Variants in PRKACB observed in about 807,000 individuals in gnomAD.
The protein encoded by PRKACB is cAMP-dependent protein kinase catalytic subunit beta.
In PRKACB, 16 loss-of-function variants were observed where a neutral mutation model predicts 51.4. The observed-to-expected ratio is 0.31, with a 90% CI of 0.21 to 0.47. The LOEUF is 0.47. Among genes scored for constraint, PRKACB ranks in the 20% least tolerant of loss-of-function variants. The probability of loss-of-function intolerance (pLI) is 1.00; values close to 1 mark genes in which losing one functional copy is unlikely to be tolerated. For synonymous variants in PRKACB, 147 were observed against 154.4 expected (o/e 0.95, Z 0.35); for missense variants, 309 against 464.5 (o/e 0.67, Z 3.08).
chr1:84,127,019 G>T (rs1651676514), intron 1 of PRKACB, among the ~76,000 whole-genome samples: 1 of 152,036 alleles, frequency 6.6e-6, no homozygotes, highest in African/African-American at 2.4e-5. Flanking sequence ...CTTCCTAGTA[G>T]TCATACTCTT....
Position 84,144,413 on chromosome 1 carries a change from G to C in PRKACB, c.52G>C (p.Ala18Pro). 1 of 1,613,316 alleles carries C rather than the reference G, an allele frequency of 6.2e-7. No individual in the cohort carries two copies. The change falls in exon 1 of 10, where the codon GCT (alanine) becomes CCT (proline). Residue 18 changes from alanine to proline, a missense_variant. Physicochemically the swap from Ala to Pro is conservative, Grantham distance 27 (BLOSUM62 -1). Coordinates refer to ENST00000370685, the MANE Select transcript of PRKACB (RefSeq NM_182948.4). ...PCNQYTGTTT[A>P]LQKLEGFASR... ...TAACCAGTATACAGGTACAACTACA[G>C]CTCTTCAGAAATTGGAAGGTTTTGC...
chr1:84,177,405 T>C (rs1365080474), intron 1 of PRKACB, among the ~76,000 whole-genome samples: 1 of 152,100 alleles, frequency 6.6e-6, no homozygotes, highest in East Asian at 1.9e-4. Flanking sequence ...ACATTCATTT[T>C]TAGAAGCAAG....
intron 1 of PRKACB, among the ~76,000 whole-genome samples, chr1:84,150,903 A>T (rs1209339860): frequency 1.3e-5 from 2 of 152,226 alleles, no homozygotes. Context: ...TAATAAGTTG[A>T]CACTGGAAAG....
chr1:84,086,074 C>T (rs934624984), intron 1 of PRKACB: 28 of 1,221,586 alleles, frequency 2.3e-5, no homozygotes, highest in Non-Finnish European at 3.4e-5. Flanking sequence ...TGCTGATGGC[C>T]AAGGTGTATA....
intron 1 of PRKACB, among the ~76,000 whole-genome samples, chr1:84,100,757 A>G (rs976387232): frequency 6.6e-6 from 1 of 152,186 alleles, no homozygotes; most frequent in African/African-American, 2.4e-5. Flanking sequence ...TCTATGTGTC[A>G]GGCACTGTTA....
intron 1 of PRKACB, among the ~76,000 whole-genome samples, chr1:84,114,575 A>G (rs1650483487): frequency 6.6e-6 from 1 of 152,062 alleles, no homozygotes; most frequent in Admixed American, 6.6e-5. Flanking sequence ...AGTACAATAT[A>G]CTTTTGCTTA....
chr1:84,102,206 T>TTA (rs1649399955), intron 1 of PRKACB, among the ~76,000 whole-genome samples: 1 of 134,906 alleles, frequency 7.4e-6, no homozygotes, highest in South Asian at 2.4e-4. Context: ...CCATCTCTAC[T>TTA]AAAAAAAAAA....
chr1:84,116,167 G>A lies in PRKACB; in HGVS notation c.46+37796G>A, dbSNP rs185032257. Among the ~76,000 whole-genome samples, 102 of 152,090 alleles carry A rather than the reference G, an allele frequency of 6.7e-4. 1 individual carries two copies. The highest frequency in any genetic ancestry group is 4.1e-4 in the Non-Finnish European group (28 of 67,946). On this transcript the variant is annotated intron_variant, in intron 1 of 8. Coordinates refer to the PRKACB transcript ENST00000370688. Reference sequence around the variant, plus strand: ...AAAGATCAATTGGCTGTAAATATGTGGCTTTATTTCTAGGTTCTCTATTTA... The same window carrying A: ...AAAGATCAATTGGCTGTAAATATGTAGCTTTATTTCTAGGTTCTCTATTTA...
upstream of PRKACB, chr1:84,144,210 A>G (rs1653724720): frequency 3.6e-6 from 5 of 1,380,476 alleles, no homozygotes; most frequent in African/African-American, 3.0e-5. Context: ...GTGCTGTTTT[A>G]TATTAACAGG....
rs1442348098 is a variant in PRKACB, at chr1:84,090,114, T to C, written c.46+11743T>C. Among the ~76,000 whole-genome samples, 3 of 152,350 alleles carry C rather than the reference T, an allele frequency of 2.0e-5. No individual in the cohort carries two copies. In the East Asian group the frequency reaches 5.8e-4, roughly 29 times the overall value. On this transcript the variant is annotated intron_variant, in intron 1 of 8. Transcript: ENST00000370688. ...CTCAAATGAGCTGTCAACATGACTT[T>C]ACAGTTTTACCACATTTCTCTGATC...
At chr1:84,140,294 C>T (rs1653277847), upstream of PRKACB, among the ~76,000 whole-genome samples, 1 of 151,988 alleles carries the variant, frequency 6.6e-6, no homozygotes, top group Non-Finnish European at 1.5e-5. Context: ...TAATTCCATA[C>T]AATAGAATTT....
At chr1:84,234,428 G>T (rs1017433950) in intron 9 of PRKACB, among the ~76,000 whole-genome samples, 1 of 152,248 alleles carries the variant, frequency 6.6e-6, no homozygotes, top group Non-Finnish European at 1.5e-5. Flanking sequence ...TCCTTGAGCT[G>T]TGGTGGGCTC....
At chr1:84,131,695 T>A (rs1325372276) in intron 1 of PRKACB, among the ~76,000 whole-genome samples, 2 of 152,174 alleles carry the variant, frequency 1.3e-5, no homozygotes, top group Non-Finnish European at 2.9e-5. Flanking sequence ...CAGAGACTCA[T>A]GGCCGAGATC....
exon 1 of PRKACB, chr1:84,078,317 G>A (rs1263973606): frequency 1.6e-5 from 25 of 1,609,592 alleles, no homozygotes; most frequent in Non-Finnish European, 2.0e-5. Context: ...TCTTGCCATC[G>A]CCCCAGACAT....
upstream of PRKACB, among the ~76,000 whole-genome samples, chr1:84,142,223 A>C (rs1170834779): frequency 2.6e-5 from 4 of 152,218 alleles, no homozygotes; most frequent in Non-Finnish European, 5.9e-5. Context: ...ATTCATAAAC[A>C]GTACCTTTTA....
At chr1:84,104,641 C>T (rs1044207965) in intron 1 of PRKACB, among the ~76,000 whole-genome samples, 7 of 152,012 alleles carry the variant, frequency 4.6e-5, no homozygotes, top group Admixed American at 3.3e-4. Flanking sequence ...AGACTATTGT[C>T]TTTTTAACAA....
intron 1 of PRKACB, among the ~76,000 whole-genome samples, chr1:84,175,216 G>A (rs956150671): frequency 2.0e-5 from 3 of 151,394 alleles, no homozygotes; most frequent in African/African-American, 7.3e-5. Flanking sequence ...GTTTTGTTGG[G>A]TTTTATCTAT....
chr1:84,128,454 A>G (rs1291460372), intron 1 of PRKACB, among the ~76,000 whole-genome samples: 1 of 152,202 alleles, frequency 6.6e-6, no homozygotes, highest in African/African-American at 2.4e-5. Context: ...CTCATATGTT[A>G]TAACAGAATA....
chr1:84,119,640 C>T (rs1185440122), intron 1 of PRKACB, among the ~76,000 whole-genome samples: 1 of 152,050 alleles, frequency 6.6e-6, no homozygotes, highest in Non-Finnish European at 1.5e-5. Context: ...CCTTGACTTT[C>T]CACAGCCCTA....
Sources: gnomAD v4.1 joint callset for allele counts (sites outside exome capture counted in the v4.1 genomes callset) on GRCh38, gnomAD v4.1.1 for gene constraint, MANE v1.5 for transcripts, NCBI Gene and HGNC (gene_info 2026-07-23, HGNC 2026-07-21) for gene names.